NARF: variants seen among roughly 807,000 people sequenced by gnomAD.
NARF encodes iron-only hydrogenase-like protein 2.
NARF carries 41 observed loss-of-function variants against 48.0 expected under a neutral mutation model. The observed-to-expected ratio is 0.85, with a 90% CI of 0.66 to 1.11. NARF has a LOEUF of 1.11. Ranked by LOEUF, NARF falls within the 50% of genes least tolerant of loss-of-function variation. NARF has a pLI of 0.00. For missense variants in NARF, 613 were observed against 590.2 expected (o/e 1.04, Z -0.40); for synonymous variants, 215 against 225.5 (o/e 0.95, Z 0.42).
chr17:82,484,780 C>G, intron 8 of NARF, 33 bp from the exon 9 acceptor site: 5 of 1,553,918 alleles, frequency 3.2e-6, no homozygotes, highest in Non-Finnish European at 4.4e-6. Flanking sequence ...CGTCAGCATT[C>G]ATGAAGGACT....
intron 5 of NARF, among the ~76,000 whole-genome samples, chr17:82,473,410 T>G (rs150817390): frequency 0.017 from 2,535 of 151,996 alleles, 20 homozygotes; most frequent in Non-Finnish European, 0.021. Flanking sequence ...TTCTTTTTTT[T>G]TTGTTGTTGA....
At chr17:82,460,476 T>C (rs1000434637) in intron 2 of NARF, 1 of 152,398 alleles carries the variant, frequency 6.6e-6, no homozygotes, top group Non-Finnish European at 1.4e-5. Context: ...AAAAAAAGAC[T>C]GAAATAGGCC....
At chr17:82,458,463 C>G (rs1233433988), upstream of NARF, 5 of 290,870 alleles carry the variant, frequency 1.7e-5, no homozygotes, top group Non-Finnish European at 3.2e-5. Context: ...GCCGCAGGAC[C>G]CACGAGAAGC....
intron 2 of NARF, 83 bp from the exon 3 acceptor site, chr17:82,464,204 C>T: frequency 1.3e-6 from 2 of 1,508,132 alleles, no homozygotes; most frequent in South Asian, 1.3e-5. Context: ...ACTGTGAATT[C>T]TGTATATGGG....
At chr17:82,479,480 C>T (rs959797148) in intron 6 of NARF, among the ~76,000 whole-genome samples, 2 of 152,180 alleles carry the variant, frequency 1.3e-5, no homozygotes, top group East Asian at 1.9e-4. Context: ...TGCCTCGGCC[C>T]GTCGTGTTCT....
intron 8 of NARF, chr17:82,483,999 TC>T: frequency 1.8e-6 from 1 of 543,260 alleles, no homozygotes. Flanking sequence ...TTGGCGGGCT[TC>T]CATGGTGTGA....
intron 2 of NARF, among the ~76,000 whole-genome samples, chr17:82,461,183 C>CA (rs2043427207): frequency 6.6e-6 from 1 of 152,154 alleles, no homozygotes; most frequent in Non-Finnish European, 1.5e-5. Context: ...CTCAGCCTCC[C>CA]AAAGTGCTGG....
In NARF at chr17:82,483,183, G is replaced by A. The variant is rs533535631; in HGVS notation, c.770-533G>A. 3.0e-5 allele frequency: 8 copies of A among 266,332 alleles called. No individual in the cohort carries two copies. In the East Asian group the frequency reaches 1.2e-3, roughly 39 times the overall value. The allele number at this position is 266,332 out of a possible 1,614,324, so 16.5% of individuals were successfully genotyped here. On this transcript the variant is annotated intron_variant, in intron 7 of 10. Coordinates refer to ENST00000309794, the MANE Select transcript of NARF (RefSeq NM_012336.4). The stretch of plus-strand genomic sequence containing the variant: ...AAAATACAAAAATTAGCCAGGCGTG[G>A]TAGTGCACACCTGTAATCACAGCTA...
Position 82,481,282 on chromosome 17 carries a change from G to A in NARF, c.769+71G>A. The A allele has an allele frequency of 5.0e-6, 8 of 1,589,112 alleles. No homozygotes were observed. The South Asian group carries it at 8.9e-5, about 18-fold the overall frequency. On this transcript the variant is annotated intron_variant, in intron 7 of 10. Coordinates refer to ENST00000309794, the MANE Select transcript of NARF (RefSeq NM_012336.4). ...ACTGGCCAGTACACACCAGAGCCAG[G>A]CAGATCTGTGTCCCAGAGCCATCTC...
chr17:82,472,776 G>A, intron 5 of NARF, 78 bp downstream of exon 5: 1 of 1,524,174 alleles, frequency 6.6e-7, no homozygotes, highest in Non-Finnish European at 8.8e-7. Flanking sequence ...TCTAGATGAG[G>A]TTGGAGGCAG....
chr17:82,473,648 G>A (rs947249643), intron 5 of NARF, among the ~76,000 whole-genome samples: 5 of 151,262 alleles, frequency 3.3e-5, no homozygotes, highest in African/African-American at 1.2e-4. Context: ...ACTGTGCCTG[G>A]CCAGGTTCAA....
chr17:82,468,754 C>G lies in NARF; in HGVS notation c.253-10C>G. 1 of 1,613,010 alleles carries G rather than the reference C, an allele frequency of 6.2e-7. No homozygotes were observed. The highest frequency in any genetic ancestry group is 8.5e-7 in the Non-Finnish European group (1 of 1,179,576). ...AGCAGATACCTAACATTCTCTATTT[C>G]TCCTTCTAGAAATGTGATACCTCAA... is the stretch of plus-strand genomic sequence containing the variant. On this transcript the variant is annotated splice_polypyrimidine_tract_variant and intron_variant, in intron 3 of 10. Coordinates refer to ENST00000309794, the MANE Select transcript of NARF (RefSeq NM_012336.4).
intron 10 of NARF, 92 bp downstream of exon 10, chr17:82,485,746 C>A: frequency 7.0e-7 from 1 of 1,433,852 alleles, no homozygotes; most frequent in Non-Finnish European, 9.6e-7. Context: ...TGCTCTTGGC[C>A]ACCCAGAGCC....
upstream of NARF, chr17:82,458,558 G>A (rs1284618950): frequency 4.4e-6 from 2 of 455,088 alleles, no homozygotes; most frequent in Admixed American, 4.5e-5. Context: ...ATTGGCTCTG[G>A]GGCCTGGCCC....
chr17:82,477,410 A>G (rs1050374745), intron 5 of NARF, among the ~76,000 whole-genome samples: 9 of 152,038 alleles, frequency 5.9e-5, no homozygotes, highest in African/African-American at 2.2e-4. Context: ...AGGCTGAGGC[A>G]GAAGAATCGC....
At chr17:82,465,196 A>G (rs191773302) in intron 3 of NARF, among the ~76,000 whole-genome samples, 2 of 152,146 alleles carry the variant, frequency 1.3e-5, no homozygotes, top group African/African-American at 4.8e-5. Context: ...CTCACTCACT[A>G]TCATGAGAAG....
intron 5 of NARF, chr17:82,478,577 T>C (rs1242639168): frequency 1.4e-5 from 9 of 636,952 alleles, no homozygotes; most frequent in Non-Finnish European, 2.3e-5. Flanking sequence ...GCAGGGATGC[T>C]CCCATTTCCC....
rs1183113828 is a variant in NARF, at chr17:82,489,850, C to CA, written c.*1694dup. 2 of 149,480 alleles carry CA rather than the reference C, an allele frequency of 1.3e-5. No individual in the cohort carries two copies. The highest frequency in any genetic ancestry group is 6.7e-5 in the Admixed American group (1 of 14,952). The allele number at this position is 149,480 out of a possible 1,614,324, so 9.3% of individuals were successfully genotyped here. On this transcript the variant is annotated 3_prime_UTR_variant, in exon 11 of 11. Transcript: ENST00000309794. ...ACAAATTTTTTTTTTTTTTTTGAGA[C>CA]AGAGTCTCACTTTGTCACCCAGGCT...
intron 4 of NARF, among the ~76,000 whole-genome samples, 188 bp from the exon 5 acceptor site, chr17:82,472,376 C>T (rs991534832): frequency 1.3e-5 from 2 of 151,328 alleles, no homozygotes; most frequent in African/African-American, 2.4e-5. Flanking sequence ...CCCAGTTACT[C>T]GGGAGACTGA....
Sources: allele counts gnomAD v4.1 joint callset (sites outside exome capture counted in the v4.1 genomes callset), GRCh38; gene constraint gnomAD v4.1.1; transcripts MANE v1.5; gene names NCBI Gene and HGNC (gene_info 2026-07-23, HGNC 2026-07-21).